The following SEMA3A variants were observed in gnomAD, a reference collection of about 807,000 sequenced individuals.
SEMA3A encodes the protein semaphorin-3A.
SEMA3A carries 29 observed loss-of-function variants against 97.9 expected under a neutral mutation model. The observed-to-expected ratio is 0.30, with a 90% confidence interval of 0.22 to 0.40. The LOEUF (loss-of-function observed/expected upper bound fraction) is 0.40, where lower values mean the gene tolerates loss of function less well. Ranked by LOEUF, SEMA3A falls within the 10% of genes least tolerant of loss-of-function variation. The pLI is 1.00. For synonymous variants in SEMA3A, 321 were observed against 323.7 expected (o/e 0.99, Z 0.09); for missense variants, 763 against 951.3 (o/e 0.80, Z 2.60).
intron 4 of SEMA3A, among the ~76,000 whole-genome samples, chr7:84,104,003 G>C (rs1438128692): frequency 6.6e-6 from 1 of 152,054 alleles, no homozygotes; most frequent in African/African-American, 2.4e-5. Context: ...AGAGTAAGTA[G>C]GAGATAAATA....
chr7:84,324,434 T>C (rs726978), intron 2 of SEMA3A, among the ~76,000 whole-genome samples: 106,755 of 152,044 alleles, frequency 0.7, 37,671 homozygotes, highest in East Asian at 0.79. Flanking sequence ...GAATTGGCTT[T>C]GGAATTCCAT....
chr7:84,078,672 A>G (rs1043860087), intron 4 of SEMA3A, among the ~76,000 whole-genome samples: 4 of 152,036 alleles, frequency 2.6e-5, no homozygotes, highest in Non-Finnish European at 5.9e-5. Flanking sequence ...TTTAATTGTC[A>G]TAGTATCATA....
intron 2 of SEMA3A, among the ~76,000 whole-genome samples, chr7:84,334,799 G>GC (rs1801997035): frequency 7.0e-6 from 1 of 142,312 alleles, no homozygotes; most frequent in Non-Finnish European, 1.5e-5. Flanking sequence ...CACAACCCCT[G>GC]CCCTCCCACC....
chr7:84,083,211 T>C (rs1794218957), intron 4 of SEMA3A, among the ~76,000 whole-genome samples: 1 of 151,682 alleles, frequency 6.6e-6, no homozygotes, highest in African/African-American at 2.4e-5. Flanking sequence ...TATTTGTACA[T>C]ATATATATAC....
intron 1 of SEMA3A, among the ~76,000 whole-genome samples, chr7:84,425,696 T>C (rs775925287): frequency 6.7e-6 from 1 of 148,884 alleles, no homozygotes; most frequent in South Asian, 2.1e-4. Flanking sequence ...GAAGATTCGA[T>C]ATGAAAAAAC....
intron 2 of SEMA3A, among the ~76,000 whole-genome samples, chr7:84,361,752 C>T (rs1228129489): frequency 1.3e-5 from 2 of 151,890 alleles, no homozygotes; most frequent in African/African-American, 4.8e-5. Flanking sequence ...CATATAAATA[C>T]TAATGACATA....
rs1796989136 is a variant in SEMA3A, at chr7:84,160,263, AT to A, written c.113-25313del. Among the ~76,000 whole-genome samples the A allele has an allele frequency of 3.6e-5, 4 of 111,854 alleles. No individual in the cohort carries two copies. The South Asian group carries it at 1.1e-3, about 32-fold the overall frequency. 73.4% of individuals were successfully genotyped at this position (111,854 alleles called of 152,430 possible). A position where few individuals can be genotyped will look rare whatever the true frequency, so the allele number is the denominator to read the frequency against. ...TATCTATCTATCTATCTATCTATCT[AT>A]CTATCTATCTATCGTTAGTTCGTTC... On this transcript the variant is annotated intron_variant, in intron 1 of 16. Transcript: ENST00000265362.
rs1323561552 is a variant in SEMA3A at position 84,312,921 on chromosome 7, T to TACACACACACAC, written c.-168-5641_-168-5630dup. 8.2e-4 allele frequency among the ~76,000 whole-genome samples: 27 copies of TACACACACACAC among 32,880 alleles called. 1 individual carries two copies. Among genetic ancestry groups the TACACACACACAC allele is most frequent in the South Asian group, 3.7e-3 (3 of 820 alleles). 21.6% of individuals were successfully genotyped at this position (32,880 alleles called of 152,430 possible). The stretch of plus-strand genomic sequence containing the variant: ...ATATATATATATATATATATATATA[T>TACACACACACAC]ACACACACACACACACACACACGTA... On this transcript the variant is annotated intron_variant, in intron 2 of 3. Coordinates refer to the SEMA3A transcript ENST00000424555.
chr7:84,074,891 G>A, intron 4 of SEMA3A, among the ~76,000 whole-genome samples: 1 of 151,816 alleles, frequency 6.6e-6, no homozygotes, highest in East Asian at 1.9e-4. Context: ...TTTAATAATT[G>A]TTTTGATAAA....
chr7:84,097,000 G>A (rs1794795503), intron 4 of SEMA3A, among the ~76,000 whole-genome samples: 1 of 152,106 alleles, frequency 6.6e-6, no homozygotes, highest in South Asian at 2.1e-4. Context: ...ACCTAGGAAT[G>A]CTATCTAGCA....
At position 84,080,733 on chromosome 7, in the gene SEMA3A, G is replaced by A. The variant is rs1259619844; in HGVS notation, c.454-20175C>T. On this transcript the variant is annotated intron_variant, in intron 4 of 16. Coordinates refer to ENST00000265362, the MANE Select transcript of SEMA3A (RefSeq NM_006080.3). ...ACTACAGGCGCCCGCCACTACGCCC[G>A]GCTAATTTTTTTGTATTTTTAGTAG... Among the ~76,000 whole-genome samples the A allele has an allele frequency of 1.1e-4, 2 of 18,470 alleles. 1 individual carries two copies. The highest frequency in any genetic ancestry group is 5.3e-3 in the East Asian group (2 of 380). 12.1% of individuals were successfully genotyped at this position (18,470 alleles called of 152,430 possible). A position where few individuals can be genotyped will look rare whatever the true frequency, so the allele number is the denominator to read the frequency against.
At chr7:84,018,057 A>G (rs555064984) in intron 6 of SEMA3A, among the ~76,000 whole-genome samples, 1 of 152,166 alleles carries the variant, frequency 6.6e-6, no homozygotes, top group Non-Finnish European at 1.5e-5. Flanking sequence ...TTCTTATAAG[A>G]TCACTATAGA....
At chr7:83,985,584 G>T in intron 12 of SEMA3A, 107 bp from the exon 13 acceptor site, 1 of 851,278 alleles carries the variant, frequency 1.2e-6, no homozygotes, top group Non-Finnish European at 2.0e-6. Flanking sequence ...AAACTTCAGT[G>T]TCCACAAGAA....
intron 4 of SEMA3A, among the ~76,000 whole-genome samples, chr7:84,095,248 T>C (rs1794723819): frequency 1.4e-5 from 1 of 69,130 alleles, no homozygotes; most frequent in African/African-American, 3.2e-5. Context: ...AATATATGTT[T>C]ATATATTATT....
chr7:84,299,421 G>A (rs1346102519), intron 3 of SEMA3A, among the ~76,000 whole-genome samples: 1 of 147,882 alleles, frequency 6.8e-6, no homozygotes, highest in Admixed American at 6.8e-5. Flanking sequence ...CCTCTAGAGA[G>A]CCCTGATTAA....
At chr7:84,474,645 G>C (rs1806233166) in intron 1 of SEMA3A, among the ~76,000 whole-genome samples, 1 of 152,108 alleles carries the variant, frequency 6.6e-6, no homozygotes, top group Admixed American at 6.5e-5. Flanking sequence ...CTACCTGACA[G>C]TTTTATAGAG....
intron 1 of SEMA3A, among the ~76,000 whole-genome samples, chr7:84,179,583 A>G (rs1386160074): frequency 6.6e-6 from 1 of 152,048 alleles, no homozygotes; most frequent in Non-Finnish European, 1.5e-5. Flanking sequence ...TGATAGACCA[A>G]TTTGCTTTGT....
chr7:84,095,125 G>T, intron 4 of SEMA3A, among the ~76,000 whole-genome samples: 1 of 145,876 alleles, frequency 6.9e-6, no homozygotes, highest in Non-Finnish European at 1.5e-5. Flanking sequence ...TCTATATATT[G>T]CATTATATAT....
At chr7:84,240,021 T>A (rs1799322275) in intron 3 of SEMA3A, among the ~76,000 whole-genome samples, 1 of 152,154 alleles carries the variant, frequency 6.6e-6, no homozygotes, top group Non-Finnish European at 1.5e-5. Context: ...ATCCTATAAA[T>A]TTTTAAGTGT....
Sources: gnomAD v4.1 joint callset for allele counts (sites outside exome capture counted in the v4.1 genomes callset) on GRCh38, gnomAD v4.1.1 for gene constraint, MANE v1.5 for transcripts, NCBI Gene and HGNC (gene_info 2026-07-23, HGNC 2026-07-21) for gene names.